RHEB: variants seen among roughly 807,000 people sequenced by gnomAD.
The protein encoded by RHEB is Ras homolog, mTORC1 binding.
In RHEB, 2 loss-of-function variants were observed where a neutral mutation model predicts 28.8. The observed-to-expected ratio is 0.07, with a 90% CI of 0.03 to 0.22. RHEB has a LOEUF of 0.22. Ranked by LOEUF, RHEB falls within the 10% of genes least tolerant of loss-of-function variation. RHEB has a pLI of 1.00. For synonymous variants in RHEB, 69 were observed against 77.3 expected (o/e 0.89, Z 0.56); for missense variants, 76 against 219.9 (o/e 0.35, Z 4.14).
chr7:151,514,799 G>A (rs536863187), intron 1 of RHEB, among the ~76,000 whole-genome samples: 1 of 152,298 alleles, frequency 6.6e-6, no homozygotes, highest in East Asian at 1.9e-4. Context: ...AACACTGGGA[G>A]ACTGAGACCA....
intron 1 of RHEB, among the ~76,000 whole-genome samples, chr7:151,515,033 T>C (rs1055632571): frequency 2.8e-5 from 4 of 144,798 alleles, no homozygotes; most frequent in African/African-American, 1.1e-4. Flanking sequence ...AGCAAGACCC[T>C]GCCTCAGAAA....
intron 1 of RHEB, among the ~76,000 whole-genome samples, chr7:151,500,904 A>G (rs1802761665): frequency 6.6e-6 from 1 of 152,112 alleles, no homozygotes; most frequent in Non-Finnish European, 1.5e-5. Context: ...GGATCATTTG[A>G]GCCTGGGAGG....
At chr7:151,478,735 A>C (rs535543426) in intron 3 of RHEB, among the ~76,000 whole-genome samples, 1 of 152,250 alleles carries the variant, frequency 6.6e-6, no homozygotes, top group African/African-American at 2.4e-5. Flanking sequence ...TCTCAGGTTC[A>C]AGCGATTCTC....
rs1232229848 is a variant in RHEB at position 151,510,000 on chromosome 7, C to T, written c.52+9460G>A. Among the ~76,000 whole-genome samples, 12 of 152,168 alleles carry T rather than the reference C, an allele frequency of 7.9e-5. No individual in the cohort carries two copies. The South Asian group carries it at 1.9e-3, about 24-fold the overall frequency. On this transcript the variant is annotated intron_variant, in intron 1 of 7. Coordinates refer to ENST00000262187, the MANE Select transcript of RHEB (RefSeq NM_005614.4). ...TCTGCCAGTCCCTGGTATAGATCAT[C>T]GTCTTATTTGTTGCTTAAAACCCTT...
At chr7:151,478,547 T>C (rs747811380) in intron 3 of RHEB, among the ~76,000 whole-genome samples, 53 of 152,086 alleles carry the variant, frequency 3.5e-4, no homozygotes, top group Non-Finnish European at 5.9e-4. Context: ...TGTGGAAACA[T>C]AGAAAAAAGA....
intron 1 of RHEB, among the ~76,000 whole-genome samples, chr7:151,494,824 A>G (rs1802646940): frequency 6.6e-6 from 1 of 152,262 alleles, no homozygotes; most frequent in Admixed American, 6.5e-5. Context: ...TAGGAAGGCT[A>G]TATTTGCTAA....
At chr7:151,485,248 T>C (rs1167679752) in intron 2 of RHEB, among the ~76,000 whole-genome samples, 1 of 152,212 alleles carries the variant, frequency 6.6e-6, no homozygotes, top group African/African-American at 2.4e-5. Flanking sequence ...GAACTTTTAG[T>C]ACATAAAAGA....
intron 3 of RHEB, among the ~76,000 whole-genome samples, chr7:151,478,803 T>G (rs145671131): frequency 6.6e-6 from 1 of 152,278 alleles, no homozygotes; most frequent in Non-Finnish European, 1.5e-5. Flanking sequence ...CCTGGTTCAT[T>G]TTTGCATTTG....
At chr7:151,477,446 T>A in intron 3 of RHEB, 31 bp from the exon 4 acceptor site, 1 of 1,269,006 alleles carries the variant, frequency 7.9e-7, no homozygotes, top group Non-Finnish European at 1.1e-6. Flanking sequence ...CTTTGAGTAG[T>A]CTTCATATAG....
chr7:151,512,263 C>T (rs1803005137), intron 1 of RHEB, among the ~76,000 whole-genome samples: 1 of 152,088 alleles, frequency 6.6e-6, no homozygotes, highest in African/African-American at 2.4e-5. Context: ...GAATCTTCAC[C>T]CAAGAAAAGC....
chr7:151,493,571 CA>C (rs1485057681), intron 1 of RHEB, among the ~76,000 whole-genome samples: 1 of 150,816 alleles, frequency 6.6e-6, no homozygotes, highest in Non-Finnish European at 1.5e-5. Context: ...CGTAGATCTC[CA>C]AAGGTCACTC....
At chr7:151,473,997 A>G (rs1474789642) in intron 4 of RHEB, among the ~76,000 whole-genome samples, 2 of 152,240 alleles carry the variant, frequency 1.3e-5, no homozygotes, top group African/African-American at 4.8e-5. Context: ...AAACCGAACC[A>G]GAAGTCATAA....
chr7:151,480,765 A>G (rs1802369639), intron 3 of RHEB, among the ~76,000 whole-genome samples: 1 of 151,668 alleles, frequency 6.6e-6, no homozygotes, highest in African/African-American at 2.4e-5. Context: ...GGTTACTACA[A>G]CCTCCGCCTC....
chr7:151,496,262 C>T (rs977196597), intron 1 of RHEB, among the ~76,000 whole-genome samples: 1 of 152,168 alleles, frequency 6.6e-6, no homozygotes, highest in Non-Finnish European at 1.5e-5. Flanking sequence ...CTGAGCACAC[C>T]AAGAAGTGCC....
At chr7:151,501,744 CT>C (rs1049829079) in intron 1 of RHEB, 27 of 233,060 alleles carry the variant, frequency 1.2e-4, no homozygotes, top group African/African-American at 5.5e-4. Flanking sequence ...TGCTCCGCCC[CT>C]GGCGGAGGAA....
intron 3 of RHEB, 128 bp from the exon 4 acceptor site, chr7:151,477,543 G>C (rs1802293438): frequency 1.7e-6 from 1 of 597,408 alleles, no homozygotes; most frequent in Admixed American, 3.3e-5. Flanking sequence ...TATTATGCCA[G>C]AAACAGCCTA....
intron 1 of RHEB, among the ~76,000 whole-genome samples, chr7:151,511,572 CTTTTTT>C (rs534393798): frequency 6.9e-6 from 1 of 145,912 alleles, no homozygotes; most frequent in African/African-American, 2.5e-5. Flanking sequence ...ACAGGAACTC[CTTTTTT>C]TTTTTTAATA....
intron 1 of RHEB, chr7:151,519,249 A>G: frequency 4.5e-6 from 1 of 222,810 alleles, no homozygotes; most frequent in Non-Finnish European, 8.4e-6. Flanking sequence ...CGGCCCGCGG[A>G]GGGCGCCCAG....
At chr7:151,482,697 AG>A (rs1424426554) in intron 3 of RHEB, among the ~76,000 whole-genome samples, 1 of 152,240 alleles carries the variant, frequency 6.6e-6, no homozygotes, top group Non-Finnish European at 1.5e-5. Flanking sequence ...TTCTTTGCCC[AG>A]GACATTCTAA....
Sources: gnomAD v4.1 joint callset for allele counts (sites outside exome capture counted in the v4.1 genomes callset) on GRCh38, gnomAD v4.1.1 for gene constraint, MANE v1.5 for transcripts, NCBI Gene and HGNC (gene_info 2026-07-23, HGNC 2026-07-21) for gene names.